INPP4B: variants seen among roughly 807,000 people sequenced by gnomAD.
INPP4B encodes the protein inositol polyphosphate-4-phosphatase type II B, also known as inositol polyphosphate 4-phosphatase type II.
In INPP4B, 55 loss-of-function variants were observed where a neutral mutation model predicts 122.5. That is an observed-to-expected ratio of 0.45 (90% CI 0.36 to 0.56). The LOEUF (loss-of-function observed/expected upper bound fraction) is 0.56, where lower values mean the gene tolerates loss of function less well. Among genes scored for constraint, INPP4B ranks in the 20% least tolerant of loss-of-function variants. INPP4B has a pLI of 0.00. For synonymous variants in INPP4B, 403 were observed against 388.7 expected, an observed-to-expected ratio of 1.04 and a Z score of -0.43; for missense variants, 1,000 against 1,097.7, an observed-to-expected ratio of 0.91 and a Z score of 1.26.
At chr4:142,807,487 C>A (rs1486015904) in intron 1 of INPP4B, among the ~76,000 whole-genome samples, 1 of 152,120 alleles carries the variant, frequency 6.6e-6, no homozygotes, top group African/African-American at 2.4e-5. Context: ...AGGGCCTGGA[C>A]AGTTTATGCT....
At chr4:142,623,728 C>A (rs1745534574) in intron 2 of INPP4B, among the ~76,000 whole-genome samples, 2 of 149,614 alleles carry the variant, frequency 1.3e-5, no homozygotes, top group Admixed American at 6.7e-5. Flanking sequence ...CTCACCCCAC[C>A]CCACAACAGT....
chr4:142,731,530 T>C (rs1766083093), intron 1 of INPP4B, among the ~76,000 whole-genome samples: 1 of 152,170 alleles, frequency 6.6e-6, no homozygotes, highest in South Asian at 2.1e-4. Context: ...AATTCAGACT[T>C]AGAAAACTAG....
At chr4:142,383,418 C>T (rs1457209392) in intron 7 of INPP4B, among the ~76,000 whole-genome samples, 1 of 152,152 alleles carries the variant, frequency 6.6e-6, no homozygotes, top group Non-Finnish European at 1.5e-5. Context: ...TGCTTACCAC[C>T]TAGGCTATGA....
chr4:142,234,155 C>G (rs1355063511), intron 12 of INPP4B, among the ~76,000 whole-genome samples: 1 of 152,166 alleles, frequency 6.6e-6, no homozygotes, highest in African/African-American at 2.4e-5. Flanking sequence ...AACTGTTCTT[C>G]CCCTAAGAAC....
chr4:142,291,464 G>C (rs1199297422), intron 9 of INPP4B, among the ~76,000 whole-genome samples: 8 of 152,126 alleles, frequency 5.3e-5, no homozygotes, highest in Non-Finnish European at 8.8e-5. Context: ...ATCTTCACTG[G>C]GACCTCATGT....
At chr4:142,434,081 A>G (rs56002963) in intron 3 of INPP4B, among the ~76,000 whole-genome samples, 4,416 of 152,304 alleles carry the variant, frequency 0.029, 89 homozygotes, top group Non-Finnish European at 0.045. Flanking sequence ...TTACCTCACA[A>G]TCATCTATAG....
At chr4:142,623,511 A>C (rs1044834731) in intron 2 of INPP4B, among the ~76,000 whole-genome samples, 16 of 151,920 alleles carry the variant, frequency 1.1e-4, no homozygotes, top group Non-Finnish European at 2.2e-4. Context: ...AAATTCTAAG[A>C]CAGTCCCAAC....
At chr4:142,435,504 C>T (rs1049089486) in intron 3 of INPP4B, among the ~76,000 whole-genome samples, 1 of 150,562 alleles carries the variant, frequency 6.6e-6, no homozygotes, top group African/African-American at 2.4e-5. Flanking sequence ...CCAAGATGGC[C>T]AACTAGAAGC....
chr4:142,480,915 T>A (rs1199448801), intron 2 of INPP4B, among the ~76,000 whole-genome samples: 1 of 151,828 alleles, frequency 6.6e-6, no homozygotes, highest in Non-Finnish European at 1.5e-5. Flanking sequence ...ATTTTTATAG[T>A]CACATAATAA....
chr4:142,414,028 T>A (rs1448403836), intron 5 of INPP4B, among the ~76,000 whole-genome samples: 1 of 152,064 alleles, frequency 6.6e-6, no homozygotes, highest in African/African-American at 2.4e-5. Context: ...AAGAGGGAAT[T>A]TAAGAGATTT....
intron 24 of INPP4B, 36 bp downstream of exon 24, chr4:142,086,108 A>G (rs779586976): frequency 7.6e-7 from 1 of 1,311,934 alleles, no homozygotes; most frequent in South Asian, 1.2e-5. Flanking sequence ...TGGTTATGAC[A>G]TGGCAGGAAA....
intron 2 of INPP4B, among the ~76,000 whole-genome samples, chr4:142,571,745 G>A (rs1732876745): frequency 6.6e-6 from 1 of 152,058 alleles, no homozygotes; most frequent in Non-Finnish European, 1.5e-5. Context: ...TTTTGGCAAA[G>A]AATGGCAAAG....
At chr4:142,242,427 G>A (rs1445083642) in intron 11 of INPP4B, among the ~76,000 whole-genome samples, 2 of 152,164 alleles carry the variant, frequency 1.3e-5, no homozygotes, top group African/African-American at 4.8e-5. Context: ...TCTGCAGTTG[G>A]TGACAATTGG....
chr4:142,536,356 A>T (rs1287124442), intron 2 of INPP4B, among the ~76,000 whole-genome samples: 1 of 152,120 alleles, frequency 6.6e-6, no homozygotes, highest in Non-Finnish European at 1.5e-5. Flanking sequence ...TTCAGAAAGC[A>T]TTTCTGATTT....
intron 25 of INPP4B, among the ~76,000 whole-genome samples, chr4:142,054,058 T>C (rs1385099363): frequency 2.2e-5 from 3 of 134,462 alleles, no homozygotes; most frequent in African/African-American, 8.3e-5. Context: ...TCATGTATTG[T>C]CTTTGGATAA....
intron 2 of INPP4B, among the ~76,000 whole-genome samples, chr4:142,660,626 A>T (rs780950282): frequency 6.6e-6 from 1 of 152,048 alleles, no homozygotes; most frequent in African/African-American, 2.4e-5. Context: ...ACATGCCACC[A>T]AAAGGGTAAA....
intron 1 of INPP4B, among the ~76,000 whole-genome samples, chr4:142,795,955 C>CTCGCCT (rs1329109632): frequency 1.3e-5 from 2 of 151,954 alleles, no homozygotes; most frequent in Non-Finnish European, 2.9e-5. Flanking sequence ...CTAATTTAAT[C>CTCGCCT]ACTATTTCCA....
In INPP4B at chr4:142,648,391, G is replaced by A. The variant is rs527820178; in HGVS notation, c.-191+77448C>T. 2.6e-5 allele frequency among the ~76,000 whole-genome samples: 4 copies of A among 152,272 alleles called. 1 individual carries two copies. Among genetic ancestry groups the A allele is most frequent in the African/African-American group, 9.6e-5 (4 of 41,572 alleles). On this transcript the variant is annotated intron_variant, in intron 2 of 25. Coordinates refer to ENST00000262992, the MANE Select transcript of INPP4B (RefSeq NM_001101669.3). Reference sequence around the variant, plus strand: ...ATTGCCTCACCCAGGAAGCACAAGGGGTTGGGGTATTTCCCTTTCCTACCC... The same window carrying A: ...ATTGCCTCACCCAGGAAGCACAAGGAGTTGGGGTATTTCCCTTTCCTACCC...
chr4:142,196,671 T>C (rs996180937), intron 14 of INPP4B, among the ~76,000 whole-genome samples: 14 of 152,154 alleles, frequency 9.2e-5, no homozygotes, highest in Non-Finnish European at 2.1e-4. Context: ...AATGCAGTAG[T>C]TCACTTTTAT....
Sources: allele counts gnomAD v4.1 joint callset (sites outside exome capture counted in the v4.1 genomes callset), GRCh38; gene constraint gnomAD v4.1.1; transcripts MANE v1.5; gene names NCBI Gene and HGNC (gene_info 2026-07-23, HGNC 2026-07-21).